EPB41L3: variants seen among roughly 807,000 people sequenced by gnomAD.
EPB41L3 encodes erythrocyte membrane protein band 4.1 like 3, also known as band 4.1-like protein 3.
A neutral mutation model predicts 127.1 loss-of-function variants in EPB41L3; 57 were observed. That is an observed-to-expected ratio of 0.45 (90% confidence interval 0.36 to 0.56). EPB41L3 has a LOEUF of 0.56. Ranked by LOEUF, EPB41L3 falls within the 20% of genes least tolerant of loss-of-function variation. The pLI is 0.00. For synonymous variants in EPB41L3, 572 were observed against 549.5 expected, an observed-to-expected ratio of 1.04 and a Z score of -0.57; for missense variants, 1,273 against 1,372.2, an observed-to-expected ratio of 0.93 and a Z score of 1.14.
chr18:5,489,090 G>T lies in EPB41L3; in HGVS notation c.94C>A (p.Pro32Thr). Residue 32 changes from proline to threonine, a missense_variant, in exon 2 of 23, where the codon CCC (proline) becomes ACC (threonine). Pro to Thr is a conservative substitution (Grantham distance 38, BLOSUM62 -1). This residue lies in a region of EPB41L3 where 182 missense variants were observed against 149.2 expected (regional missense o/e 1.22). Coordinates refer to ENST00000341928, the MANE Select transcript of EPB41L3 (RefSeq NM_012307.5). ...AAGAQGRAGA[P>T]VPEPPKEEQQ... ...TCCTCCTTGGGCGGCTCCGGCACGG[G>T]CGCCCCCGCGCGCCCCTGCGCCCCC... The T allele has an allele frequency of 6.3e-7, 1 of 1,589,980 alleles. No individual in the cohort carries two copies.
intron 1 of EPB41L3, among the ~76,000 whole-genome samples, chr18:5,618,289 C>T (rs1443399129): frequency 6.6e-6 from 1 of 152,156 alleles, no homozygotes; most frequent in African/African-American, 2.4e-5. Context: ...GAAACAAAAT[C>T]TACAACATTC....
At chr18:5,523,717 G>A (rs752611867) in intron 1 of EPB41L3, among the ~76,000 whole-genome samples, 4 of 152,010 alleles carry the variant, frequency 2.6e-5, no homozygotes, top group East Asian at 1.9e-4. Flanking sequence ...CCATAGAGAC[G>A]GAGGATGTGG....
At chr18:5,401,109 G>GA in intron 16 of EPB41L3, 1 of 895,622 alleles carries the variant, frequency 1.1e-6, no homozygotes, top group South Asian at 1.5e-5. Flanking sequence ...GGCAAGTTAG[G>GA]AAGGGAGTTC....
chr18:5,603,334 G>A (rs2094610107), intron 3 of EPB41L3, among the ~76,000 whole-genome samples: 1 of 152,172 alleles, frequency 6.6e-6, no homozygotes, highest in Admixed American at 6.6e-5. Flanking sequence ...ATCATGGGAG[G>A]TTCTTAGAGG....
intron 3 of EPB41L3, among the ~76,000 whole-genome samples, chr18:5,549,419 C>A (rs1280089619): frequency 6.6e-6 from 1 of 152,166 alleles, no homozygotes; most frequent in African/African-American, 2.4e-5. Flanking sequence ...AAAGCCTTGG[C>A]TACTAACACT....
At chr18:5,432,661 C>T (rs560757870) in intron 8 of EPB41L3, among the ~76,000 whole-genome samples, 3 of 152,254 alleles carry the variant, frequency 2.0e-5, no homozygotes, top group Admixed American at 6.5e-5. Context: ...CTGAAAAGTA[C>T]GAAGATTCCA....
At chr18:5,436,346 C>T (rs112493650) in intron 6 of EPB41L3, among the ~76,000 whole-genome samples, 2,038 of 151,444 alleles carry the variant, frequency 0.013, 42 homozygotes, top group South Asian at 0.048. Context: ...TTAACAGCCT[C>T]AGCTCTACAA....
intron 1 of EPB41L3, among the ~76,000 whole-genome samples, chr18:5,536,110 T>A (rs531898376): frequency 3.9e-4 from 60 of 152,156 alleles, no homozygotes; most frequent in African/African-American, 1.4e-3. Context: ...AGCTCGCCCC[T>A]CTATAAAGAG....
intron 3 of EPB41L3, among the ~76,000 whole-genome samples, chr18:5,455,620 CT>C (rs796533356): frequency 0.073 from 10,120 of 138,804 alleles, 1,046 homozygotes; most frequent in African/African-American, 0.24. Context: ...TTTAAAGGTG[CT>C]TTTTTTTTTT....
chr18:5,433,650 T>G (rs1326576307), intron 7 of EPB41L3, 94 bp from the exon 8 acceptor site: 5 of 1,132,184 alleles, frequency 4.4e-6, no homozygotes, highest in Non-Finnish European at 6.4e-6. Flanking sequence ...TCATAAGAAG[T>G]CCTATGGAGG....
Position 5,416,108 on chromosome 18 carries a change from G to A in EPB41L3, c.1777C>T (p.Pro593Ser), listed in dbSNP as rs1378114067. ...TTLFSFSLQLPESFPSLLDDD... is the reference protein window; with the variant it reads ...TTLFSFSLQLSESFPSLLDDD... ...TCTAGGAGGGAGGGGAATGACTCAG[G>A]GAGCTGCAAGGAGAAGGAGAACAGG... Residue 593 changes from proline (P) to serine (S), a missense_variant, in exon 13 of 23, where the codon CCT becomes TCT. Coordinates refer to ENST00000341928, the MANE Select transcript of EPB41L3 (RefSeq NM_012307.5). 1 of 1,612,610 alleles carries A rather than the reference G, an allele frequency of 6.2e-7. No individual in the cohort carries two copies. The highest frequency in any genetic ancestry group is 1.1e-5 in the South Asian group (1 of 90,942).
chr18:5,625,070 G>A (rs925171277), intron 1 of EPB41L3, among the ~76,000 whole-genome samples: 4 of 152,016 alleles, frequency 2.6e-5, no homozygotes, highest in Admixed American at 1.3e-4. Context: ...TTGGGGCCTC[G>A]GGAGATCTGA....
chr18:5,434,247 T>C (rs1307376645), intron 6 of EPB41L3, 126 bp from the exon 7 acceptor site: 1 of 677,228 alleles, frequency 1.5e-6, no homozygotes, highest in Non-Finnish European at 2.5e-6. Flanking sequence ...ATAAATTTTC[T>C]AGCGTCTATA....
At chr18:5,561,861 C>T (rs1174503840) in intron 3 of EPB41L3, among the ~76,000 whole-genome samples, 5 of 152,188 alleles carry the variant, frequency 3.3e-5, no homozygotes, top group Non-Finnish European at 7.3e-5. Context: ...ACAGAGGGCA[C>T]GTTACCACTG....
chr18:5,472,012 A>C (rs1202768950), intron 3 of EPB41L3, among the ~76,000 whole-genome samples: 4 of 152,258 alleles, frequency 2.6e-5, no homozygotes, highest in Admixed American at 6.5e-5. Flanking sequence ...AGTATGATGA[A>C]ATAGGACTCC....
rs767256031 is a variant in EPB41L3, at chr18:5,395,075, G to T, written c.3145C>A (p.His1049Asn). The change falls in exon 21 of 23, where the codon CAT becomes AAT. Residue 1049 changes from histidine (H) to asparagine (N), a missense_variant. Physicochemically the swap from His to Asn is moderately conservative, Grantham distance 68. Around this residue, in one of 3 missense-constraint regions of EPB41L3, gnomAD observed 765 missense variants for 782.9 expected, o/e 0.98. Coordinates refer to ENST00000341928, the MANE Select transcript of EPB41L3 (RefSeq NM_012307.5). ...CGTCTCACACACACTACCTGGTCAT[G>T]GTCAATGTCTGCATCCCCCGTGATG... ...IVITGDADID[H>N]DQALAQAIKE... 1 of 1,613,936 alleles carries T rather than the reference G, an allele frequency of 6.2e-7. No individual in the cohort carries two copies. The highest frequency in any genetic ancestry group is 8.5e-7 in the Non-Finnish European group (1 of 1,179,880).
At chr18:5,597,276 A>G (rs2094546026) in intron 3 of EPB41L3, among the ~76,000 whole-genome samples, 1 of 152,060 alleles carries the variant, frequency 6.6e-6, no homozygotes, top group African/African-American at 2.4e-5. Context: ...GATCTGTCTC[A>G]TAACCTCAGA....
chr18:5,433,815 C>T, intron 7 of EPB41L3, 88 bp downstream of exon 7: 1 of 1,427,130 alleles, frequency 7.0e-7, no homozygotes, highest in East Asian at 2.3e-5. Context: ...CGTTAATGGA[C>T]TGAAATCAGT....
chr18:5,495,052 C>T (rs1286950365), intron 1 of EPB41L3, among the ~76,000 whole-genome samples: 1 of 152,144 alleles, frequency 6.6e-6, no homozygotes, highest in Non-Finnish European at 1.5e-5. Flanking sequence ...AGTTACTCCT[C>T]AAAGTACCAA....
Sources: gnomAD v4.1 joint callset for allele counts (sites outside exome capture counted in the v4.1 genomes callset) on GRCh38, gnomAD v4.1.1 for gene constraint, gnomAD v4.1.1 regional missense constraint, MANE v1.5 for transcripts, NCBI Gene and HGNC (gene_info 2026-07-23, HGNC 2026-07-21) for gene names.